Variants in TBC1D1 observed in about 807,000 individuals in gnomAD.
TBC1D1 encodes the protein TBC1 domain family member 1.
A neutral mutation model predicts 125.6 loss-of-function variants in TBC1D1; 89 were observed. That is an observed-to-expected ratio of 0.71 (90% CI 0.60 to 0.85). The LOEUF is 0.85. Among genes scored for constraint, TBC1D1 ranks in the 40% least tolerant of loss-of-function variants. TBC1D1 has a pLI of 0.00. For synonymous variants in TBC1D1, 565 were observed against 564.1 expected (o/e 1.00, Z -0.02); for missense variants, 1,377 against 1,469.2 (o/e 0.94, Z 1.03).
chr4:38,047,746 C>T (rs1241699166), intron 10 of TBC1D1, among the ~76,000 whole-genome samples: 1 of 152,014 alleles, frequency 6.6e-6, no homozygotes, highest in Non-Finnish European at 1.5e-5. Context: ...TAGGTTTGGT[C>T]AGTGGAACCA....
intron 15 of TBC1D1, among the ~76,000 whole-genome samples, chr4:38,108,164 G>A (rs1268503623): frequency 6.6e-6 from 1 of 152,162 alleles, no homozygotes; most frequent in Non-Finnish European, 1.5e-5. Flanking sequence ...CCTGTCTTCT[G>A]TCTGGGGCTC....
intron 12 of TBC1D1, among the ~76,000 whole-genome samples, chr4:38,066,693 C>G (rs113009791): frequency 3.3e-5 from 5 of 152,066 alleles, no homozygotes; most frequent in African/African-American, 1.2e-4. Context: ...GCATGCCCCC[C>G]CTGGAGGGGA....
At chr4:37,927,330 C>CA (rs1246063038) in intron 2 of TBC1D1, among the ~76,000 whole-genome samples, 1 of 152,130 alleles carries the variant, frequency 6.6e-6, no homozygotes, top group African/African-American at 2.4e-5. Context: ...ACAATTTTTA[C>CA]AAAATTGATT....
intron 2 of TBC1D1, among the ~76,000 whole-genome samples, chr4:37,905,037 C>T (rs1024060055): frequency 1.3e-5 from 2 of 152,208 alleles, no homozygotes; most frequent in African/African-American, 4.8e-5. Flanking sequence ...TATGCATTTA[C>T]TGCCAGCATC....
chr4:38,099,577 T>TGC (rs1759943937), intron 14 of TBC1D1, among the ~76,000 whole-genome samples: 1 of 152,234 alleles, frequency 6.6e-6, no homozygotes, highest in East Asian at 1.9e-4. Flanking sequence ...TTCTTCTTTA[T>TGC]ACCTCTTGCA....
Position 38,055,856 on chromosome 4 carries a change from C to G in TBC1D1, c.2050+1518C>G, listed in dbSNP as rs543568295. 3.3e-5 allele frequency among the ~76,000 whole-genome samples: 5 copies of G among 152,276 alleles called. No homozygotes were observed. In the South Asian group the frequency reaches 1.0e-3, roughly 32 times the overall value. On this transcript the variant is annotated intron_variant, in intron 12 of 19. Transcript: ENST00000261439. ...TGGAGTGGAGCAGTGGGAACCAGAGCCACCAGAGGGAGGCCCTGGAGGAGG... is the reference window on the plus strand; with the variant it reads ...TGGAGTGGAGCAGTGGGAACCAGAGGCACCAGAGGGAGGCCCTGGAGGAGG...
chr4:38,060,263 A>G (rs1168210055), intron 12 of TBC1D1, among the ~76,000 whole-genome samples: 4 of 152,222 alleles, frequency 2.6e-5, no homozygotes, highest in Non-Finnish European at 5.9e-5. Context: ...GCTGGGTCAA[A>G]TGGTATTTCT....
chr4:38,102,244 A>C (rs1032832631), intron 14 of TBC1D1, among the ~76,000 whole-genome samples: 3 of 149,582 alleles, frequency 2.0e-5, no homozygotes, highest in Non-Finnish European at 2.9e-5. Flanking sequence ...AAAGTATAAT[A>C]ATAATAATAA....
rs548014339 is a variant in TBC1D1, at chr4:37,916,669, C to A, written c.417+14157C>A. On this transcript the variant is annotated intron_variant, in intron 2 of 19. Coordinates refer to ENST00000261439, the MANE Select transcript of TBC1D1 (RefSeq NM_015173.4). ...GAGTATGCAAATCAGGAGCCAAAGT[C>A]AAATTCCTATTTTTGATGGTGAGCA... Among the ~76,000 whole-genome samples the A allele has an allele frequency of 3.3e-5, 5 of 152,234 alleles. No homozygotes were observed. The South Asian group carries it at 1.0e-3, about 32-fold the overall frequency.
chr4:38,001,215 G>A (rs1487768935), intron 2 of TBC1D1, among the ~76,000 whole-genome samples: 4 of 135,584 alleles, frequency 3.0e-5, no homozygotes, highest in South Asian at 2.4e-4. Context: ...GTAAGACTCC[G>A]TCTCAAAAAA....
chr4:37,972,706 G>A (rs1374225296), intron 2 of TBC1D1, among the ~76,000 whole-genome samples: 2 of 151,722 alleles, frequency 1.3e-5, no homozygotes, highest in African/African-American at 4.8e-5. Context: ...AGGAGTTCGA[G>A]ACCAGCCTCA....
chr4:37,945,399 G>T (rs1049780001), intron 2 of TBC1D1, among the ~76,000 whole-genome samples: 1 of 151,606 alleles, frequency 6.6e-6, no homozygotes, highest in African/African-American at 2.4e-5. Context: ...TGTAGTCCCA[G>T]CTACTTGGGA....
intron 6 of TBC1D1, among the ~76,000 whole-genome samples, chr4:38,027,346 A>G (rs1745265022): frequency 6.6e-6 from 1 of 152,250 alleles, no homozygotes; most frequent in African/African-American, 2.4e-5. Flanking sequence ...TTCCACGCCA[A>G]GCACAGTGGC....
chr4:38,066,746 T>G (rs550288069), intron 12 of TBC1D1, among the ~76,000 whole-genome samples: 2 of 152,268 alleles, frequency 1.3e-5, no homozygotes, highest in East Asian at 3.9e-4. Context: ...TTCAGGGAGC[T>G]CTCCGCTTTG....
At chr4:38,114,065 C>A (rs937094562) in intron 15 of TBC1D1, among the ~76,000 whole-genome samples, 6 of 100,676 alleles carry the variant, frequency 6.0e-5, no homozygotes. Context: ...ACACACACAC[C>A]TGCACACAAC....
At chr4:38,070,468 C>T (rs903628003) in intron 12 of TBC1D1, among the ~76,000 whole-genome samples, 1 of 152,218 alleles carries the variant, frequency 6.6e-6, no homozygotes, top group African/African-American at 2.4e-5. Context: ...TCCTGCATCG[C>T]CCACATCTTG....
intron 18 of TBC1D1, among the ~76,000 whole-genome samples, chr4:38,125,846 A>G (rs896749083): frequency 3.9e-5 from 6 of 152,226 alleles, no homozygotes; most frequent in African/African-American, 1.2e-4. Flanking sequence ...TATGCTCCTT[A>G]GTAGAGAAAG....
intron 13 of TBC1D1, among the ~76,000 whole-genome samples, chr4:38,091,594 T>C (rs1317892304): frequency 6.6e-6 from 1 of 152,244 alleles, no homozygotes; most frequent in Non-Finnish European, 1.5e-5. Context: ...TTAATGCCAA[T>C]ACTGGCCAAT....
intron 8 of TBC1D1, among the ~76,000 whole-genome samples, chr4:38,042,127 G>T (rs948736344): frequency 1.3e-5 from 2 of 152,020 alleles, no homozygotes; most frequent in Non-Finnish European, 2.9e-5. Flanking sequence ...AGTAAGCCAA[G>T]ATCGTACCAC....
Sources: allele counts gnomAD v4.1 joint callset (sites outside exome capture counted in the v4.1 genomes callset), GRCh38; gene constraint gnomAD v4.1.1; transcripts MANE v1.5; gene names NCBI Gene and HGNC (gene_info 2026-07-23, HGNC 2026-07-21).